GPC6: variants seen among roughly 807,000 people sequenced by gnomAD.
GPC6 encodes glypican 6.
A neutral mutation model predicts 55.2 loss-of-function variants in GPC6; 14 were observed. The ratio of observed to expected loss-of-function variants is 0.25; its 90% confidence interval spans 0.17 to 0.40. The LOEUF is 0.40. Ranked by LOEUF, GPC6 falls within the 10% of genes least tolerant of loss-of-function variation. GPC6 has a pLI of 1.00. For missense variants in GPC6, 641 were observed against 708.5 expected, an observed-to-expected ratio of 0.90 and a Z score of 1.08; for synonymous variants, 278 against 259.6, an observed-to-expected ratio of 1.07 and a Z score of -0.68.
chr13:94,182,596 T>G (rs1305795808), intron 4 of GPC6, among the ~76,000 whole-genome samples: 1 of 152,160 alleles, frequency 6.6e-6, no homozygotes, highest in African/African-American at 2.4e-5. Context: ...TGTGTAATGT[T>G]TTTTTTCCTA....
intron 6 of GPC6, among the ~76,000 whole-genome samples, chr13:94,373,923 C>CA (rs1879710697): frequency 6.6e-6 from 1 of 151,910 alleles, no homozygotes; most frequent in Admixed American, 6.6e-5. Context: ...CATTCTTAAA[C>CA]AAAAGAATTT....
chr13:93,562,179 A>G lies in GPC6; in HGVS notation c.319+16758A>G, dbSNP rs536860592. On this transcript the variant is annotated intron_variant, in intron 2 of 8. Coordinates refer to ENST00000377047, the MANE Select transcript of GPC6 (RefSeq NM_005708.5). Reference sequence around the variant, plus strand: ...TTGTGATGCATAATAAAATGAAGAAAGGCCTTATTTAGTGCCGTTACCAGA... The same window carrying G: ...TTGTGATGCATAATAAAATGAAGAAGGGCCTTATTTAGTGCCGTTACCAGA... 2.7e-4 allele frequency among the ~76,000 whole-genome samples: 41 copies of G among 152,148 alleles called. 1 individual carries two copies. Among genetic ancestry groups the G allele is most frequent in the African/African-American group, 9.4e-4 (39 of 41,552 alleles).
intron 2 of GPC6, among the ~76,000 whole-genome samples, chr13:93,752,442 TAA>T (rs1223212142): frequency 5.2e-5 from 7 of 134,192 alleles, no homozygotes; most frequent in Admixed American, 1.5e-4. Context: ...TGTTTTACAT[TAA>T]AAAAAAAAAA....
At chr13:93,236,055 G>A (rs1876223050) in intron 1 of GPC6, among the ~76,000 whole-genome samples, 1 of 152,090 alleles carries the variant, frequency 6.6e-6, no homozygotes, top group Admixed American at 6.5e-5. Context: ...TCCTTGATGA[G>A]GCAGACAACT....
chr13:93,243,026 A>G (rs1876485988), intron 1 of GPC6, among the ~76,000 whole-genome samples: 1 of 152,166 alleles, frequency 6.6e-6, no homozygotes, highest in African/African-American at 2.4e-5. Context: ...GGGGAACAGG[A>G]AGGGACCCTG....
intron 4 of GPC6, among the ~76,000 whole-genome samples, chr13:94,179,522 A>G (rs1235245228): frequency 3.3e-5 from 5 of 152,262 alleles, no homozygotes; most frequent in Middle Eastern, 3.4e-3. Context: ...AAATTTGTTT[A>G]ACTTAGTTCA....
chr13:93,255,396 C>G (rs1026875817), intron 1 of GPC6, among the ~76,000 whole-genome samples: 2 of 152,104 alleles, frequency 1.3e-5, no homozygotes, highest in Non-Finnish European at 1.5e-5. Flanking sequence ...TTATTATAAA[C>G]CATAGTCACC....
chr13:94,278,756 T>C (rs1892285967), intron 4 of GPC6, among the ~76,000 whole-genome samples: 1 of 152,242 alleles, frequency 6.6e-6, no homozygotes, highest in Non-Finnish European at 1.5e-5. Flanking sequence ...TTGTATATGT[T>C]GAGCCAGCCT....
intron 3 of GPC6, among the ~76,000 whole-genome samples, chr13:93,923,282 T>A (rs922778482): frequency 2.6e-5 from 4 of 152,200 alleles, no homozygotes; most frequent in Non-Finnish European, 5.9e-5. Context: ...TCTAAAATGT[T>A]AACAAATTTC....
intron 2 of GPC6, among the ~76,000 whole-genome samples, chr13:93,679,707 C>CT (rs1351045704): frequency 3.3e-5 from 5 of 151,986 alleles, no homozygotes; most frequent in Non-Finnish European, 5.9e-5. Flanking sequence ...TTGACATTCC[C>CT]TTTACCTCAG....
intron 3 of GPC6, among the ~76,000 whole-genome samples, chr13:93,839,453 G>A (rs1426655462): frequency 6.6e-6 from 1 of 152,122 alleles, no homozygotes; most frequent in African/African-American, 2.4e-5. Context: ...ATAGGATCAG[G>A]TATCAGGTCA....
chr13:94,275,767 G>A (rs1297375964), intron 4 of GPC6, among the ~76,000 whole-genome samples: 1 of 151,002 alleles, frequency 6.6e-6, no homozygotes, highest in East Asian at 1.9e-4. Flanking sequence ...AAAATAAATA[G>A]ACAAAGAAGA....
chr13:93,432,632 C>A lies in GPC6; in HGVS notation c.161-112631C>A, dbSNP rs141436347. Among the ~76,000 whole-genome samples, 52 of 152,174 alleles carry A rather than the reference C, an allele frequency of 3.4e-4. No individual in the cohort carries two copies. The East Asian group carries it at 0.01, about 29-fold the overall frequency. ...CGTTACTAATGCCCCAAAATACCTC[C>A]CTTGCTAAAAGATGTATTAATTTAC... On this transcript the variant is annotated intron_variant, in intron 1 of 8. Transcript: ENST00000377047.
chr13:94,111,440 G>A (rs1057440851), intron 4 of GPC6, among the ~76,000 whole-genome samples: 1 of 149,718 alleles, frequency 6.7e-6, no homozygotes, highest in African/African-American at 2.4e-5. Context: ...AAACCTGCAC[G>A]TTCAGCACAT....
chr13:93,409,093 A>G (rs1281415754), intron 1 of GPC6, among the ~76,000 whole-genome samples: 1 of 151,822 alleles, frequency 6.6e-6, no homozygotes, highest in Non-Finnish European at 1.5e-5. Context: ...TATAAGGGTC[A>G]AATGAATAAA....
chr13:93,895,274 A>ATATG (rs1875945585), intron 3 of GPC6, among the ~76,000 whole-genome samples: 2 of 141,296 alleles, frequency 1.4e-5, no homozygotes, highest in Non-Finnish European at 3.1e-5. Context: ...ATATATATAT[A>ATATG]TATGTAACTG....
At chr13:93,931,764 A>AG (rs1878189809) in intron 3 of GPC6, among the ~76,000 whole-genome samples, 1 of 131,066 alleles carries the variant, frequency 7.6e-6, no homozygotes, top group Non-Finnish European at 1.6e-5. Context: ...ACTCTGTCTC[A>AG]GAAAAAAAAA....
intron 4 of GPC6, among the ~76,000 whole-genome samples, chr13:94,108,006 C>A (rs1886117572): frequency 6.6e-6 from 1 of 152,112 alleles, no homozygotes; most frequent in Non-Finnish European, 1.5e-5. Context: ...AAAAGTAGAA[C>A]TACCATTTGA....
chr13:93,809,124 A>G (rs1450162534), intron 2 of GPC6, among the ~76,000 whole-genome samples: 2 of 152,202 alleles, frequency 1.3e-5, no homozygotes, highest in African/African-American at 2.4e-5. Context: ...CTGAAAAACT[A>G]TCAGTCTTGT....
Sources: allele counts gnomAD v4.1 joint callset (sites outside exome capture counted in the v4.1 genomes callset), GRCh38; gene constraint gnomAD v4.1.1; transcripts MANE v1.5; gene names NCBI Gene and HGNC (gene_info 2026-07-23, HGNC 2026-07-21).